The following MAK variants were observed in gnomAD, a reference collection of about 807,000 sequenced individuals.
The protein encoded by MAK is male germ cell associated kinase.
MAK carries 65 observed loss-of-function variants against 82.6 expected under a neutral mutation model. The observed-to-expected ratio is 0.79, with a 90% confidence interval of 0.64 to 0.97. The LOEUF is 0.97. MAK is among the 50% of genes least tolerant of loss of function. The probability of loss-of-function intolerance (pLI) is 0.00; values close to 1 mark genes in which losing one functional copy is unlikely to be tolerated. For synonymous variants in MAK, 250 were observed against 274.2 expected, an observed-to-expected ratio of 0.91 and a Z score of 0.87; for missense variants, 703 against 780.2, an observed-to-expected ratio of 0.90 and a Z score of 1.18.
chr6:10,833,170 A>C (rs1258210414), intron 1 of MAK, among the ~76,000 whole-genome samples: 1 of 152,214 alleles, frequency 6.6e-6, no homozygotes, highest in Non-Finnish European at 1.5e-5. Context: ...GATTTCCCAA[A>C]ACAGCCTTTC....
chr6:10,795,802 T>A (rs1422099440), intron 9 of MAK, among the ~76,000 whole-genome samples, 196 bp downstream of exon 9: 1 of 152,212 alleles, frequency 6.6e-6, no homozygotes, highest in African/African-American at 2.4e-5. Context: ...GTTACTTTTA[T>A]CCTGAAAGTT....
chr6:10,789,617 A>G (rs796467794), intron 10 of MAK, among the ~76,000 whole-genome samples: 3 of 151,008 alleles, frequency 2.0e-5, no homozygotes, highest in African/African-American at 7.4e-5. Context: ...GAACAATTAA[A>G]ACAATATATT....
chr6:10,778,530 G>T (rs1302783674), intron 11 of MAK, among the ~76,000 whole-genome samples: 2 of 152,156 alleles, frequency 1.3e-5, no homozygotes, highest in Admixed American at 1.3e-4. Flanking sequence ...GGAACACTAG[G>T]CATAAATGTG....
chr6:10,787,860 A>C (rs371711390), intron 10 of MAK, among the ~76,000 whole-genome samples: 1 of 4,632 alleles, frequency 2.2e-4, no homozygotes, highest in South Asian at 7.9e-3. Context: ...GACTGTCTCA[A>C]AAAAAAAAAA....
chr6:10,823,277 T>C (rs1286678640), intron 2 of MAK, among the ~76,000 whole-genome samples: 4 of 152,198 alleles, frequency 2.6e-5, no homozygotes, highest in African/African-American at 7.2e-5. Context: ...AAATTCCATA[T>C]GGAACTTGTT....
chr6:10,806,551 G>A (rs1336610801), intron 6 of MAK, among the ~76,000 whole-genome samples: 1 of 143,700 alleles, frequency 7.0e-6, no homozygotes, highest in Non-Finnish European at 1.5e-5. Context: ...TAGAGACGGG[G>A]TTTCACTGTG....
chr6:10,767,718 G>A (rs1192307687), intron 14 of MAK, among the ~76,000 whole-genome samples: 3 of 151,852 alleles, frequency 2.0e-5, no homozygotes, highest in African/African-American at 7.2e-5. Flanking sequence ...GAACCCGGGT[G>A]GCAGAGGTTG....
chr6:10,829,332 G>T (rs1373949496), intron 2 of MAK: 1 of 152,114 alleles, frequency 6.6e-6, no homozygotes, highest in Non-Finnish European at 1.5e-5. Context: ...AACTCAATTT[G>T]ACATTATGAA....
intron 1 of MAK, among the ~76,000 whole-genome samples, chr6:10,834,918 G>T (rs560869): frequency 4.4e-4 from 67 of 152,234 alleles, no homozygotes; most frequent in Non-Finnish European, 4.3e-4. Context: ...CTAGGGGACC[G>T]GGCAGCACAC....
intron 10 of MAK, chr6:10,784,819 C>G (rs1346508266): frequency 1.6e-6 from 1 of 637,594 alleles, no homozygotes; most frequent in South Asian, 1.5e-5. Flanking sequence ...CAGCAATTTA[C>G]TTGTGTGTAA....
intron 4 of MAK, among the ~76,000 whole-genome samples, chr6:10,815,185 A>G (rs1777371138): frequency 6.6e-6 from 1 of 152,220 alleles, no homozygotes; most frequent in South Asian, 2.1e-4. Context: ...GCCAAATATT[A>G]TTTCAACATG....
intron 1 of MAK, among the ~76,000 whole-genome samples, chr6:10,831,146 T>C (rs555369634): frequency 5.3e-4 from 80 of 152,308 alleles, no homozygotes; most frequent in African/African-American, 1.8e-3. Context: ...TTACTAAATA[T>C]AATCTACATT....
intron 6 of MAK, among the ~76,000 whole-genome samples, chr6:10,806,505 A>ATTTTTTTTTTTTTTT (rs70991049): frequency 1.7e-5 from 2 of 117,140 alleles, no homozygotes; most frequent in African/African-American, 6.6e-5. Flanking sequence ...CACCCGTCTA[A>ATTTTTTTTTTTTTTT]TTTTTTTTTT....
At chr6:10,792,245 C>T (rs1775151987) in intron 9 of MAK, among the ~76,000 whole-genome samples, 1 of 152,172 alleles carries the variant, frequency 6.6e-6, no homozygotes, top group African/African-American at 2.4e-5. Flanking sequence ...CATGTGCCAG[C>T]ATCTTTTACT....
At chr6:10,784,639 A>ATCTCGCCCACCCTCTGCACT in intron 10 of MAK, 67 bp from the exon 11 acceptor site, 1 of 1,458,708 alleles carries the variant, frequency 6.9e-7, no homozygotes. Flanking sequence ...CCCTCTGCAC[A>ATCTCGCCCACCCTCTGCACT]TCTCGCCCAC....
chr6:10,816,310 G>A (rs1777500460), intron 4 of MAK, among the ~76,000 whole-genome samples: 1 of 151,916 alleles, frequency 6.6e-6, no homozygotes, highest in Non-Finnish European at 1.5e-5. Flanking sequence ...GGGCTCAAGT[G>A]ATCCTCCCAC....
intron 6 of MAK, among the ~76,000 whole-genome samples, chr6:10,807,361 GAGAA>G (rs1413010934): frequency 5.7e-5 from 2 of 35,202 alleles, no homozygotes; most frequent in African/African-American, 1.0e-4. Flanking sequence ...TTTTTTTTTT[GAGAA>G]AGAGTCTTGC....
At chr6:10,779,314 C>A (rs1773751513) in intron 11 of MAK, 19 of 983,252 alleles carry the variant, frequency 1.9e-5, no homozygotes, top group Non-Finnish European at 2.3e-5. Context: ...AATTAAAGTA[C>A]CTAAGGCTTA....
intron 1 of MAK, among the ~76,000 whole-genome samples, chr6:10,837,392 C>T (rs1394956667): frequency 1.3e-5 from 2 of 152,204 alleles, no homozygotes; most frequent in African/African-American, 4.8e-5. Context: ...CAAAAAAAGT[C>T]CACCCCGACG....
Sources: allele counts gnomAD v4.1 joint callset (sites outside exome capture counted in the v4.1 genomes callset), GRCh38; gene constraint gnomAD v4.1.1; transcripts MANE v1.5; gene names NCBI Gene and HGNC (gene_info 2026-07-23, HGNC 2026-07-21).